The following DPH6 variants were observed in gnomAD, a reference collection of about 807,000 sequenced individuals.
The protein encoded by DPH6 is diphthine--ammonia ligase.
DPH6 carries 33 observed loss-of-function variants against 38.2 expected under a neutral mutation model. The observed-to-expected ratio is 0.86, with a 90% confidence interval of 0.65 to 1.15. DPH6 has a LOEUF of 1.15. Among genes scored for constraint, DPH6 ranks in the 50% most tolerant of loss-of-function variants. DPH6 has a pLI of 0.00. For missense variants in DPH6, 325 were observed against 320.0 expected, an observed-to-expected ratio of 1.02 and a Z score of -0.12; for synonymous variants, 108 against 103.0, an observed-to-expected ratio of 1.05 and a Z score of -0.30.
At chr15:35,528,542 G>A (rs1333341206) in intron 3 of DPH6, among the ~76,000 whole-genome samples, 1 of 151,884 alleles carries the variant, frequency 6.6e-6, no homozygotes, top group Non-Finnish European at 1.5e-5. Flanking sequence ...CTTTCCCCTT[G>A]GCATTCCCCA....
chr15:35,296,320 ATTT>A (rs1463279720), intron 3 of DPH6, among the ~76,000 whole-genome samples: 1 of 152,096 alleles, frequency 6.6e-6, no homozygotes, highest in Non-Finnish European at 1.5e-5. Context: ...TAAAATTTTG[ATTT>A]TTAAGTGCAG....
chr15:35,214,392 G>A (rs2339829), downstream of DPH6, among the ~76,000 whole-genome samples: 40,526 of 152,000 alleles, frequency 0.27, 5,809 homozygotes, highest in African/African-American at 0.36. Flanking sequence ...CACAAAGTAC[G>A]TAAGGAAGGA....
chr15:35,294,519 A>G (rs541041166), intron 3 of DPH6, among the ~76,000 whole-genome samples: 1 of 152,230 alleles, frequency 6.6e-6, no homozygotes, highest in African/African-American at 2.4e-5. Context: ...TTCAACTTCA[A>G]CAGTACCTCC....
intron 3 of DPH6, among the ~76,000 whole-genome samples, chr15:35,501,170 A>G (rs866957438): frequency 4.6e-5 from 7 of 152,200 alleles, no homozygotes; most frequent in Non-Finnish European, 1.0e-4. Context: ...TTTTCACAAT[A>G]TATTTCCCCT....
intron 3 of DPH6, among the ~76,000 whole-genome samples, chr15:35,530,066 A>G (rs896713841): frequency 6.6e-6 from 1 of 152,234 alleles, no homozygotes; most frequent in Non-Finnish European, 1.5e-5. Flanking sequence ...GACCACAAAT[A>G]AAGTCATGTG....
intron 6 of DPH6, chr15:35,401,042 T>G (rs2053212092): frequency 1.1e-6 from 1 of 884,118 alleles, no homozygotes; most frequent in Non-Finnish European, 1.9e-6. Context: ...CAGAAGAACA[T>G]CACCTAAGAG....
At chr15:35,175,833 T>G in the DPH6 span, among the ~76,000 whole-genome samples, 4 of 152,184 alleles carry the variant, frequency 2.6e-5, no homozygotes, top group African/African-American at 9.7e-5. Context: ...ATAGTGAAGC[T>G]TTGCACACAA....
intron 3 of DPH6, among the ~76,000 whole-genome samples, chr15:35,260,065 A>G (rs1248797784): frequency 6.6e-6 from 1 of 152,230 alleles, no homozygotes; most frequent in East Asian, 1.9e-4. Flanking sequence ...TGTTCATGCC[A>G]CCATGCATCT....
downstream of DPH6, among the ~76,000 whole-genome samples, chr15:35,366,300 A>G (rs2052659217): frequency 6.6e-6 from 1 of 150,976 alleles, no homozygotes; most frequent in South Asian, 2.1e-4. Context: ...CTTTTTATAG[A>G]CTTAACTATA....
At chr15:35,216,072 C>T (rs1288644554), downstream of DPH6, among the ~76,000 whole-genome samples, 1 of 152,192 alleles carries the variant, frequency 6.6e-6, no homozygotes, top group East Asian at 1.9e-4. Context: ...AATAGCTTTT[C>T]CAAAATTCTA....
chr15:35,297,932 T>C (rs998647273), intron 3 of DPH6, among the ~76,000 whole-genome samples: 2 of 152,208 alleles, frequency 1.3e-5, no homozygotes, highest in Non-Finnish European at 2.9e-5. Context: ...TACCCTTCCA[T>C]CACCAATCAT....
intron 3 of DPH6, among the ~76,000 whole-genome samples, chr15:35,253,403 C>A (rs891222833): frequency 2.0e-5 from 3 of 152,128 alleles, no homozygotes; most frequent in Non-Finnish European, 4.4e-5. Context: ...ATAAAACATG[C>A]CTGTGCAAAT....
intron 3 of DPH6, among the ~76,000 whole-genome samples, chr15:35,321,826 C>T (rs1205946718): frequency 6.6e-6 from 1 of 152,138 alleles, no homozygotes; most frequent in African/African-American, 2.4e-5. Context: ...ACTTCACAGA[C>T]AAAATTAATT....
chr15:35,364,902 G>T (rs1375289936), intron 3 of DPH6, among the ~76,000 whole-genome samples: 1 of 151,900 alleles, frequency 6.6e-6, no homozygotes, highest in African/African-American at 2.4e-5. Context: ...CTAATTACAT[G>T]TATTTTTGAG....
intron 3 of DPH6, among the ~76,000 whole-genome samples, chr15:35,296,801 C>A (rs1044425257): frequency 8.1e-6 from 1 of 122,876 alleles, no homozygotes; most frequent in Non-Finnish European, 1.6e-5. Context: ...GATGGCCTGG[C>A]TTCTTTTTTT....
intron 3 of DPH6, chr15:35,283,034 TCTTCTTCTTCTTCCTTCTTCTTC>T (rs1461265515): frequency 1.7e-4 from 34 of 194,428 alleles, no homozygotes; most frequent in Non-Finnish European, 3.0e-4. Context: ...TCTTCCTTCT[TCTTCTTCTTCTTCCTTCTTCTTC>T]CTTCTTCTTC....
intron 3 of DPH6, among the ~76,000 whole-genome samples, chr15:35,507,177 T>C: frequency 6.6e-6 from 1 of 152,212 alleles, no homozygotes; most frequent in Non-Finnish European, 1.5e-5. Context: ...ATTTGATCTA[T>C]AAGCTATTAA....
chr15:35,495,773 A>C (rs768472740), intron 3 of DPH6, among the ~76,000 whole-genome samples: 1 of 152,212 alleles, frequency 6.6e-6, no homozygotes, highest in Non-Finnish European at 1.5e-5. Context: ...AAGGAATTAC[A>C]TTGGAGAAAT....
intron 3 of DPH6, among the ~76,000 whole-genome samples, chr15:35,355,080 C>CT (rs2140897881): frequency 6.6e-6 from 1 of 152,262 alleles, no homozygotes; most frequent in Non-Finnish European, 1.5e-5. Flanking sequence ...GGTTTAAAGT[C>CT]TGTTTTATCA....
Sources: allele counts gnomAD v4.1 joint callset (sites outside exome capture counted in the v4.1 genomes callset), GRCh38; gene constraint gnomAD v4.1.1; transcripts MANE v1.5; gene names NCBI Gene and HGNC (gene_info 2026-07-23, HGNC 2026-07-21).